Variants in MKLN1 observed in about 807,000 individuals in gnomAD.
MKLN1 encodes muskelin.
A neutral mutation model predicts 99.0 loss-of-function variants in MKLN1; 18 were observed. That is an observed-to-expected ratio of 0.18 (90% CI 0.13 to 0.27). The LOEUF (loss-of-function observed/expected upper bound fraction) is 0.27, where lower values mean the gene tolerates loss of function less well. MKLN1 is among the 10% of genes least tolerant of loss of function. MKLN1 has a pLI of 1.00. For missense variants in MKLN1, 621 were observed against 875.9 expected (o/e 0.71, Z 3.67); for synonymous variants, 288 against 293.2 (o/e 0.98, Z 0.18).
At position 131,173,968 on chromosome 7, in the gene MKLN1, CTTTTTCTTTTTTT is replaced by C. The variant is rs752698931; in HGVS notation, c.-296-28883_-296-28871del. The stretch of plus-strand genomic sequence containing the variant: ...TTCTCCAGAGTTTAAAGACCTTTTT[CTTTTTCTTTTTTT>C]TTTTTTTTTGAGACGGGAGTCTCGG... On this transcript the variant is annotated intron_variant, in intron 2 of 7. Transcript: ENST00000416992. Among the ~76,000 whole-genome samples, 533 of 118,660 alleles carry C rather than the reference CTTTTTCTTTTTTT, an allele frequency of 4.5e-3. 3 individuals are homozygous for C. The highest frequency in any genetic ancestry group is 0.019 in the Middle Eastern group (4 of 214). The allele number at this position is 118,660 out of a possible 152,430, so 77.8% of individuals were successfully genotyped here. A position where few individuals can be genotyped will look rare whatever the true frequency, so the allele number is the denominator to read the frequency against.
chr7:131,432,303 G>A (rs1276870728), intron 9 of MKLN1, among the ~76,000 whole-genome samples: 1 of 152,160 alleles, frequency 6.6e-6, no homozygotes, highest in Non-Finnish European at 1.5e-5. Context: ...CTAAAGCTTG[G>A]TATGGGTAGA....
rs941331052 is a variant in MKLN1, at chr7:131,493,611, A to G, written c.*5883A>G. 6.6e-6 allele frequency: 1 copy of G among 152,206 alleles called. No homozygotes were observed. Among genetic ancestry groups the G allele is most frequent in the African/African-American group, 2.4e-5 (1 of 41,468 alleles). The allele number at this position is 152,206 out of a possible 1,614,324, so 9.4% of individuals were successfully genotyped here. ...TCTTAAAACAGAAAATCCAGTGTTA[A>G]TGGGCTCTAGATCTTAAACTAGGTG... On this transcript the variant is annotated 3_prime_UTR_variant, in exon 18 of 18. Coordinates refer to ENST00000352689, the MANE Select transcript of MKLN1 (RefSeq NM_013255.5).
At chr7:131,118,485 G>A (rs7783433) in intron 1 of MKLN1, among the ~76,000 whole-genome samples, 8,350 of 151,912 alleles carry the variant, frequency 0.055, 266 homozygotes, top group Middle Eastern at 0.082. Context: ...CCTGGGAGGC[G>A]GAGGTTGCAG....
intron 1 of MKLN1, among the ~76,000 whole-genome samples, chr7:131,355,713 T>C (rs756192062): frequency 5.4e-5 from 8 of 148,854 alleles, no homozygotes; most frequent in Non-Finnish European, 1.0e-4. Flanking sequence ...CAGGCTGGAG[T>C]ATAGTGGTGT....
intron 2 of MKLN1, among the ~76,000 whole-genome samples, chr7:131,159,089 G>C (rs932668370): frequency 2.6e-5 from 4 of 152,160 alleles, no homozygotes; most frequent in African/African-American, 7.2e-5. Flanking sequence ...AGCTACTAGG[G>C]AGGCTGAAGT....
intron 10 of MKLN1, among the ~76,000 whole-genome samples, chr7:131,438,207 A>G (rs1795729188): frequency 6.6e-6 from 1 of 152,086 alleles, no homozygotes; most frequent in African/African-American, 2.4e-5. Context: ...TGAAGATCTC[A>G]GGACATAGAC....
chr7:131,467,341 A>C (rs764840514), intron 15 of MKLN1, among the ~76,000 whole-genome samples: 3 of 152,146 alleles, frequency 2.0e-5, no homozygotes, highest in Non-Finnish European at 2.9e-5. Context: ...AACAATAAAC[A>C]TAATAAGGAA....
chr7:131,259,751 C>T (rs181036691), intron 3 of MKLN1, among the ~76,000 whole-genome samples: 59 of 152,168 alleles, frequency 3.9e-4, no homozygotes, highest in Middle Eastern at 3.4e-3. Flanking sequence ...TAAGTACATT[C>T]ACAATATTGT....
intron 3 of MKLN1, among the ~76,000 whole-genome samples, chr7:131,234,532 T>C (rs1051604435): frequency 1.3e-5 from 2 of 152,174 alleles, no homozygotes; most frequent in African/African-American, 4.8e-5. Flanking sequence ...CTAGGCCAGC[T>C]TGTGTTCTGG....
chr7:131,313,820 A>G (rs972314310), intron 3 of MKLN1, among the ~76,000 whole-genome samples: 1 of 152,258 alleles, frequency 6.6e-6, no homozygotes, highest in African/African-American at 2.4e-5. Context: ...AAGCATTTAC[A>G]GTTTTTAGAG....
rs146245073 is a variant in MKLN1 at position 131,134,217 on chromosome 7, G to A, written c.-418-8603G>A. 2.1e-3 allele frequency among the ~76,000 whole-genome samples: 316 copies of A among 152,202 alleles called. 1 individual carries two copies. The highest frequency in any genetic ancestry group is 6.8e-3 in the African/African-American group (284 of 41,514). ...TATACCTGGTCTGACCCCAGAGAAA[G>A]CTGTTGATCATTTTCTCTGGGAAGG... is the stretch of plus-strand genomic sequence containing the variant. On this transcript the variant is annotated intron_variant, in intron 1 of 7. Transcript: ENST00000416992.
chr7:131,473,606 G>A (rs1796888274), intron 16 of MKLN1, among the ~76,000 whole-genome samples: 1 of 152,136 alleles, frequency 6.6e-6, no homozygotes, highest in African/African-American at 2.4e-5. Context: ...TTCTATAATA[G>A]AGAAGGAATG....
intron 3 of MKLN1, among the ~76,000 whole-genome samples, chr7:131,314,771 A>T (rs1798633239): frequency 6.6e-6 from 1 of 152,000 alleles, no homozygotes; most frequent in African/African-American, 2.4e-5. Context: ...CGGTACTGAA[A>T]GAAAAATAAA....
chr7:131,253,830 G>A (rs1005539631), intron 3 of MKLN1, among the ~76,000 whole-genome samples: 1 of 152,210 alleles, frequency 6.6e-6, no homozygotes, highest in Non-Finnish European at 1.5e-5. Flanking sequence ...AAGCAAGTAA[G>A]AAGAAGCTGG....
At chr7:131,128,907 T>C (rs1453866171) in intron 1 of MKLN1, among the ~76,000 whole-genome samples, 1 of 150,962 alleles carries the variant, frequency 6.6e-6, no homozygotes, top group Non-Finnish European at 1.5e-5. Context: ...TTTTTTTTTT[T>C]TTTTTTTTTT....
intron 7 of MKLN1, among the ~76,000 whole-genome samples, chr7:131,413,517 C>G (rs1038667183): frequency 1.3e-5 from 2 of 151,902 alleles, no homozygotes; most frequent in South Asian, 4.2e-4. Flanking sequence ...ATCTTACAAC[C>G]TTTTGAACTA....
chr7:131,394,083 A>G (rs1316211020), intron 4 of MKLN1, among the ~76,000 whole-genome samples: 1 of 151,540 alleles, frequency 6.6e-6, no homozygotes, highest in Non-Finnish European at 1.5e-5. Context: ...GATTTAGTAG[A>G]TAAACTTTTA....
At chr7:131,361,592 T>G (rs1021430273) in intron 1 of MKLN1, among the ~76,000 whole-genome samples, 7 of 151,310 alleles carry the variant, frequency 4.6e-5, no homozygotes, top group Non-Finnish European at 8.9e-5. Context: ...TTTTTCTGGC[T>G]TTCTTTTTTT....
At chr7:131,222,792 GAATCACCTGAGGTC>G (rs1797079012) in intron 3 of MKLN1, among the ~76,000 whole-genome samples, 1 of 146,832 alleles carries the variant, frequency 6.8e-6, no homozygotes, top group Non-Finnish European at 1.5e-5. Context: ...CAAGGCAGGT[GAATCACCTGAGGTC>G]AGGAGTTCAA....
Sources: allele counts gnomAD v4.1 joint callset (sites outside exome capture counted in the v4.1 genomes callset), GRCh38; gene constraint gnomAD v4.1.1; transcripts MANE v1.5; gene names NCBI Gene and HGNC (gene_info 2026-07-23, HGNC 2026-07-21).